Variants in ASB4 observed in about 807,000 individuals in gnomAD.
ASB4 encodes ankyrin repeat and SOCS box containing 4.
A neutral mutation model predicts 38.6 loss-of-function variants in ASB4; 35 were observed. The observed-to-expected ratio is 0.91, with a 90% confidence interval of 0.69 to 1.20. The LOEUF (loss-of-function observed/expected upper bound fraction) is 1.20. Among genes scored for constraint, ASB4 ranks in the 50% most tolerant of loss-of-function variants. ASB4 has a pLI of 0.00. For missense variants in ASB4, 557 were observed against 527.2 expected (o/e 1.06, Z -0.55); for synonymous variants, 195 against 201.3 (o/e 0.97, Z 0.26).
intron 1 of ASB4, among the ~76,000 whole-genome samples, chr7:95,488,097 T>C (rs1024653842): frequency 3.3e-5 from 5 of 152,154 alleles, no homozygotes; most frequent in African/African-American, 1.2e-4. Context: ...ATCCCAGCAC[T>C]TTGAGAGGCC....
At chr7:95,490,481 C>A (rs1465732788) in intron 1 of ASB4, among the ~76,000 whole-genome samples, 1 of 152,232 alleles carries the variant, frequency 6.6e-6, no homozygotes, top group Non-Finnish European at 1.5e-5. Context: ...TGTAATCCTT[C>A]AGGACTGTGT....
chr7:95,495,810 T>A lies in ASB4; in HGVS notation c.240T>A (p.His80Gln). 1 of 1,613,390 alleles carries A rather than the reference T, an allele frequency of 6.2e-7. No individual in the cohort carries two copies. Among genetic ancestry groups the A allele is most frequent in the Non-Finnish European group, 8.5e-7 (1 of 1,179,784 alleles). ...AGTCTTCCTGGGCCACAGGCCTCCA[T>A]CTCTCTGTCTTGTTTGGCCATGTGG... is the stretch of plus-strand genomic sequence containing the variant. The part of the protein sequence containing the change: ...KLKSSWATGL[H>Q]LSVLFGHVEC... Residue 80 changes from histidine (H) to glutamine (Q), a missense_variant, in exon 2 of 5, where the codon CAT (histidine) becomes CAA (glutamine). His to Gln is a conservative substitution (Grantham distance 24). Transcript: ENST00000325885.
downstream of ASB4, chr7:95,542,302 AGAAAG>A (rs1790981507): frequency 6.6e-6 from 1 of 152,206 alleles, no homozygotes; most frequent in Admixed American, 6.5e-5. Context: ...TTGGTTCATC[AGAAAG>A]GATTTTCAAA....
the ASB4 span, among the ~76,000 whole-genome samples, chr7:95,471,634 C>T: frequency 6.6e-6 from 1 of 152,006 alleles, no homozygotes; most frequent in East Asian, 1.9e-4. Flanking sequence ...CTAATTTTGG[C>T]CCTTAATTGA....
intron 2 of ASB4, among the ~76,000 whole-genome samples, chr7:95,500,839 A>G (rs1187273395): frequency 6.6e-6 from 1 of 152,148 alleles, no homozygotes; most frequent in Non-Finnish European, 1.5e-5. Context: ...CCAACTGTAG[A>G]TAATAGTGAC....
At chr7:95,537,322 G>C (rs1015911533) in intron 4 of ASB4, among the ~76,000 whole-genome samples, 2 of 152,120 alleles carry the variant, frequency 1.3e-5, no homozygotes, top group African/African-American at 4.8e-5. Context: ...ATTCATCCAG[G>C]CACTTCACAC....
chr7:95,550,595 C>T, the ASB4 span, among the ~76,000 whole-genome samples: 1 of 152,190 alleles, frequency 6.6e-6, no homozygotes, highest in African/African-American at 2.4e-5. Flanking sequence ...CTTTGGGCAC[C>T]TGTAATCTTG....
At chr7:95,493,534 C>A (rs1245085675) in intron 1 of ASB4, among the ~76,000 whole-genome samples, 1 of 151,960 alleles carries the variant, frequency 6.6e-6, no homozygotes, top group Non-Finnish European at 1.5e-5. Flanking sequence ...TATTTTTTCC[C>A]CTCTGGACAG....
chr7:95,530,346 TC>T (rs1487682918), intron 3 of ASB4, among the ~76,000 whole-genome samples: 1 of 152,106 alleles, frequency 6.6e-6, no homozygotes, highest in African/African-American at 2.4e-5. Context: ...GCGCCTGTAG[TC>T]CCAGCTACTT....
At chr7:95,496,432 A>T (rs1222452817) in intron 2 of ASB4, among the ~76,000 whole-genome samples, 2 of 152,196 alleles carry the variant, frequency 1.3e-5, no homozygotes, top group African/African-American at 4.8e-5. Context: ...ATAATTATAA[A>T]TTGGGACAGT....
intron 2 of ASB4, among the ~76,000 whole-genome samples, chr7:95,524,785 G>T (rs950865979): frequency 6.6e-6 from 1 of 152,176 alleles, no homozygotes; most frequent in Non-Finnish European, 1.5e-5. Context: ...GTATAATCGG[G>T]TCCCCAGAGA....
chr7:95,536,661 G>T (rs74990682), intron 4 of ASB4, 111 bp downstream of exon 4: 24 of 611,202 alleles, frequency 3.9e-5, no homozygotes, highest in East Asian at 3.2e-4. Context: ...CCTTTAAAGC[G>T]TACTCAAATG....
At chr7:95,541,794 T>A (rs993356098), downstream of ASB4, among the ~76,000 whole-genome samples, 1 of 152,136 alleles carries the variant, frequency 6.6e-6, no homozygotes, top group Non-Finnish European at 1.5e-5. Flanking sequence ...GAGATGAATT[T>A]TGTAGCAGGA....
chr7:95,505,458 A>T (rs1292069410), intron 2 of ASB4, among the ~76,000 whole-genome samples: 1 of 152,200 alleles, frequency 6.6e-6, no homozygotes, highest in Non-Finnish European at 1.5e-5. Context: ...TACCATATTC[A>T]AGGTTTATAA....
At chr7:95,530,509 C>T (rs1790806378) in intron 3 of ASB4, among the ~76,000 whole-genome samples, 1 of 151,994 alleles carries the variant, frequency 6.6e-6, no homozygotes, top group African/African-American at 2.4e-5. Flanking sequence ...ATGCAAATAC[C>T]TGATGGGGAG....
chr7:95,489,884 T>G lies in ASB4; in HGVS notation c.187+3726T>G, dbSNP rs143945812. Among the ~76,000 whole-genome samples, 17 of 152,312 alleles carry G rather than the reference T, an allele frequency of 1.1e-4. No individual in the cohort carries two copies. In the East Asian group the frequency reaches 3.3e-3, roughly 29 times the overall value. On this transcript the variant is annotated intron_variant, in intron 1 of 4. Transcript: ENST00000325885. ...CCTTCTATTGGTTTTCACTGGTTAC[T>G]TCCATACTGGAAAGACGAAGGACTG...
chr7:95,485,369 G>A (rs1344503270), upstream of ASB4, among the ~76,000 whole-genome samples: 1 of 151,832 alleles, frequency 6.6e-6, no homozygotes, highest in African/African-American at 2.4e-5. Flanking sequence ...TCCCTGCCCC[G>A]GACCGTCTCC....
intron 2 of ASB4, among the ~76,000 whole-genome samples, chr7:95,516,480 G>A (rs1790584862): frequency 6.6e-6 from 1 of 152,080 alleles, no homozygotes; most frequent in South Asian, 2.1e-4. Flanking sequence ...TAAACAAAAT[G>A]ATAAATAAAC....
At chr7:95,515,199 TTCTTTC>T (rs1477556710) in intron 2 of ASB4, among the ~76,000 whole-genome samples, 1 of 129,074 alleles carries the variant, frequency 7.7e-6, no homozygotes, top group East Asian at 2.1e-4. Context: ...CTTTCTTTCT[TTCTTTC>T]TTTCTTTCTT....
Sources: allele counts gnomAD v4.1 joint callset (sites outside exome capture counted in the v4.1 genomes callset), GRCh38; gene constraint gnomAD v4.1.1; transcripts MANE v1.5; gene names NCBI Gene and HGNC (gene_info 2026-07-23, HGNC 2026-07-21).